TREM1: variants seen among roughly 807,000 people sequenced by gnomAD.
TREM1 encodes triggering receptor expressed on myeloid cells 1.
Under a neutral mutation model 22.4 loss-of-function variants are expected in TREM1, and 16 were observed. That is an observed-to-expected ratio of 0.71 (90% CI 0.48 to 1.08). The LOEUF (loss-of-function observed/expected upper bound fraction) is 1.08, where lower values mean the gene tolerates loss of function less well. TREM1 is among the 50% of genes least tolerant of loss of function. The probability of loss-of-function intolerance (pLI) is 0.00; values close to 1 mark genes in which losing one functional copy is unlikely to be tolerated. For missense variants in TREM1, 283 were observed against 282.9 expected (o/e 1.00, Z 0.00); for synonymous variants, 110 against 111.6 (o/e 0.99, Z 0.09).
chr6:41,271,725 C>T (rs561087940), downstream of TREM1, among the ~76,000 whole-genome samples: 17 of 152,328 alleles, frequency 1.1e-4, no homozygotes, highest in African/African-American at 4.1e-4. Flanking sequence ...CGCCCAGTCC[C>T]TCCTGGGTCA....
rs1258597802 is a variant in TREM1 at position 41,282,394 on chromosome 6, C to A, written c.406+1G>T. ...TTCCCCCCAAGTCCCAGGCCACTCA[C>A]CCTTGGTCACCACCAAGCGGATGCG... On this transcript the variant is annotated splice_donor_variant, in intron 2 of 3. Transcript: ENST00000244709. LOFTEE classifies it high-confidence loss of function. 6.2e-7 allele frequency: 1 copy of A among 1,603,858 alleles called. No individual in the cohort carries two copies.
rs1767894897 is a variant in TREM1 at position 41,281,078 on chromosome 6, G to A, written c.482C>T (p.Ala161Val). ...GGGGCTGGTATAGAGTGGGCACAAGGCCTTAGTGGTGGTAGGAGGAATCTT... is the reference window on the plus strand; with the variant it reads ...GGGGCTGGTATAGAGTGGGCACAAGACCTTAGTGGTGGTAGGAGGAATCTT... ...VYKIPPTTTK[A>V]LCPLYTSPRT... The change falls in exon 3 of 4, where the codon GCC (alanine) becomes GTC (valine). Residue 161 changes from alanine to valine, a missense_variant. By Grantham distance (64) the Ala-to-Val change is moderately conservative. Coordinates refer to ENST00000244709, the MANE Select transcript of TREM1 (RefSeq NM_018643.5). 3 of 1,614,224 alleles carry A rather than the reference G, an allele frequency of 1.9e-6. No individual in the cohort carries two copies. The highest frequency in any genetic ancestry group is 1.7e-6 in the Non-Finnish European group (2 of 1,180,034).
intron 3 of TREM1, chr6:41,279,884 C>T (rs769116174): frequency 4.6e-5 from 45 of 981,170 alleles, no homozygotes; most frequent in Middle Eastern, 5.2e-4. Flanking sequence ...ATGGAAATTT[C>T]GAGTTAATTA....
chr6:41,269,430 T>G (rs1028960355), downstream of TREM1, among the ~76,000 whole-genome samples: 1 of 152,176 alleles, frequency 6.6e-6, no homozygotes, highest in Non-Finnish European at 1.5e-5. Flanking sequence ...TTCCTGTAAG[T>G]CCCAGCTGCA....
intron 3 of TREM1, chr6:41,280,419 G>A (rs77643173): frequency 0.019 from 18,543 of 991,572 alleles, 1,044 homozygotes; most frequent in African/African-American, 0.18. Flanking sequence ...ATGCAACAAT[G>A]TTATTTAAAA....
chr6:41,271,751 G>A (rs772141910), downstream of TREM1, among the ~76,000 whole-genome samples: 50 of 152,142 alleles, frequency 3.3e-4, no homozygotes, highest in African/African-American at 7.5e-4. Flanking sequence ...GACAAGCACC[G>A]TCTGCATGCA....
Position 41,281,059 on chromosome 6 carries a change from G to A in TREM1, c.501C>T (p.Thr167=), listed in dbSNP as rs776683932. The A allele has an allele frequency of 5.0e-6, 8 of 1,614,084 alleles. No individual in the cohort carries two copies. Among genetic ancestry groups the A allele is most frequent in the Non-Finnish European group, 5.9e-6 (7 of 1,180,056 alleles). ...GAGCTTGGGTCACAGTTCTGGGGCT[G>A]GTATAGAGTGGGCACAAGGCCTTAG... The part of the protein sequence containing the change: ...TTTKALCPLY[T]SPRTVTQAPP... Residue 167 remains threonine, a synonymous_variant, in exon 3 of 4, where the codon ACC becomes ACT. Coordinates refer to ENST00000244709, the MANE Select transcript of TREM1 (RefSeq NM_018643.5).
intron 1 of TREM1, among the ~76,000 whole-genome samples, chr6:41,283,317 G>A (rs986453418): frequency 6.6e-6 from 1 of 152,142 alleles, no homozygotes. Context: ...TTGGGTAGCA[G>A]AGCACCCCTT....
In TREM1 at chr6:41,276,181, T is replaced by A; in HGVS notation, c.649A>T (p.Lys217Ter). ...AACAGGACAGAGAAGACCAGGCTCTTACTCAGGAATCCACCAGCCAGGAGA... is the reference window on the plus strand; with the variant it reads ...AACAGGACAGAGAAGACCAGGCTCTAACTCAGGAATCCACCAGCCAGGAGA... ...VILLAGGFLS[K>*]SLVFSVLFAV... is the part of the protein sequence containing the mutation. Residue 217 changes from lysine (K) to a stop codon, truncating the protein, a stop_gained, in exon 4 of 4, where the codon AAG (lysine) becomes TAG (stop). Transcript: ENST00000244709. LOFTEE classifies it high-confidence loss of function. 2.5e-6 allele frequency: 4 copies of A among 1,614,146 alleles called. No homozygotes were observed. The highest frequency in any genetic ancestry group is 3.4e-6 in the Non-Finnish European group (4 of 1,180,030).
In TREM1 at chr6:41,282,100, T is replaced by A; in HGVS notation, c.406+295A>T. On this transcript the variant is annotated intron_variant, in intron 2 of 3. Coordinates refer to ENST00000244709, the MANE Select transcript of TREM1 (RefSeq NM_018643.5). The stretch of plus-strand genomic sequence containing the variant: ...CCAAACGCATCCTTGGGAGGGGGAG[T>A]CAGGACATGACTTCTAAGTGGAGAA... 1.7e-5 allele frequency: 5 copies of A among 298,364 alleles called. No individual in the cohort carries two copies. The South Asian group carries it at 2.2e-4, about 13-fold the overall frequency. The allele number at this position is 298,364 out of a possible 1,614,324, so 18.5% of individuals were successfully genotyped here. A position where few individuals can be genotyped will look rare whatever the true frequency, so the allele number is the denominator to read the frequency against.
In TREM1 at chr6:41,286,599, T is replaced by C; in HGVS notation, c.49+8A>G. The C allele has an allele frequency of 1.9e-6, 3 of 1,613,916 alleles. No individual in the cohort carries two copies. The highest frequency in any genetic ancestry group is 3.3e-5 in the Admixed American group (2 of 60,002). On this transcript the variant is annotated splice_region_variant and intron_variant, in intron 1 of 3. Transcript: ENST00000244709. ...GCCTCCCCTGCTCAGTCCTCTTCCTTGTCTTACCTGAGACAAAGAGCATCC... is the reference window on the plus strand; with the variant it reads ...GCCTCCCCTGCTCAGTCCTCTTCCTCGTCTTACCTGAGACAAAGAGCATCC...
chr6:41,268,721 C>T (rs886517179), downstream of TREM1, among the ~76,000 whole-genome samples: 2 of 152,156 alleles, frequency 1.3e-5, no homozygotes, highest in African/African-American at 4.8e-5. Context: ...TCTTCTATTG[C>T]CCTGTGATGG....
intron 3 of TREM1, chr6:41,280,198 A>T (rs761482964): frequency 7.9e-5 from 76 of 966,574 alleles, no homozygotes; most frequent in Non-Finnish European, 9.0e-5. Flanking sequence ...GGTGATGTGG[A>T]AAAGTATTTC....
intron 2 of TREM1, 63 bp from the exon 3 acceptor site, chr6:41,281,216 G>A (rs1581632533): frequency 1.9e-6 from 3 of 1,550,080 alleles, no homozygotes; most frequent in African/African-American, 2.7e-5. Context: ...GGATGGGTGG[G>A]TGAATGGATG....
At chr6:41,272,176 TG>T (rs374641432), downstream of TREM1, among the ~76,000 whole-genome samples, 1,095 of 152,276 alleles carry the variant, frequency 7.2e-3, 8 homozygotes, top group African/African-American at 0.022. Flanking sequence ...AGAGGCAGGC[TG>T]GCCACCCTTG....
intron 3 of TREM1, among the ~76,000 whole-genome samples, 175 bp from the exon 4 acceptor site, chr6:41,276,405 T>C (rs1767673229): frequency 6.6e-6 from 1 of 152,140 alleles, no homozygotes; most frequent in Non-Finnish European, 1.5e-5. Context: ...AAACTACTGA[T>C]TAGAAACAAT....
chr6:41,267,841 A>G (rs951009374), downstream of TREM1: 5 of 397,606 alleles, frequency 1.3e-5, no homozygotes, highest in Non-Finnish European at 1.3e-5. Context: ...TTACATGAAG[A>G]TCTTTTGTGA....
downstream of TREM1, among the ~76,000 whole-genome samples, chr6:41,270,998 A>G (rs974673500): frequency 3.3e-5 from 5 of 152,118 alleles, no homozygotes; most frequent in Non-Finnish European, 5.9e-5. Context: ...GAGCCATAGC[A>G]CTTGGCCTCA....
intron 3 of TREM1, chr6:41,279,730 A>G: frequency 1.0e-6 from 1 of 985,454 alleles, no homozygotes; most frequent in Non-Finnish European, 1.2e-6. Context: ...ATGATTTAAA[A>G]GACTAAATCC....
Sources: gnomAD v4.1 joint callset for allele counts (sites outside exome capture counted in the v4.1 genomes callset) on GRCh38, gnomAD v4.1.1 for gene constraint, MANE v1.5 for transcripts, NCBI Gene and HGNC (gene_info 2026-07-23, HGNC 2026-07-21) for gene names.